Variants in CEP76 observed in about 807,000 individuals in gnomAD.
CEP76 encodes centrosomal protein 76.
In CEP76, 55 loss-of-function variants were observed where a neutral mutation model predicts 83.3. That is an observed-to-expected ratio of 0.66 (90% confidence interval 0.53 to 0.83). CEP76 has a LOEUF of 0.83. Among genes scored for constraint, CEP76 ranks in the 40% least tolerant of loss-of-function variants. The pLI is 0.00. For synonymous variants in CEP76, 270 were observed against 274.5 expected (o/e 0.98, Z 0.16); for missense variants, 694 against 799.5 (o/e 0.87, Z 1.59).
intron 12 of CEP76, among the ~76,000 whole-genome samples, chr18:12,662,758 T>C (rs1020307288): frequency 6.6e-6 from 1 of 152,110 alleles, no homozygotes; most frequent in Non-Finnish European, 1.5e-5. Flanking sequence ...GCCTGGGCGA[T>C]AGAGTGAGAC....
chr18:12,690,737 G>A (rs959704324), intron 7 of CEP76, among the ~76,000 whole-genome samples: 1 of 152,170 alleles, frequency 6.6e-6, no homozygotes, highest in Non-Finnish European at 1.5e-5. Context: ...TTACAGGCGT[G>A]AGCCACCGCG....
At chr18:12,695,670 C>G (rs2039929401) in intron 5 of CEP76, among the ~76,000 whole-genome samples, 1 of 152,052 alleles carries the variant, frequency 6.6e-6, no homozygotes, top group South Asian at 2.1e-4. Flanking sequence ...CTCAGCCTTC[C>G]AAAGTGCTTG....
chr18:12,695,015 G>T (rs995010560), intron 6 of CEP76, among the ~76,000 whole-genome samples: 8 of 152,028 alleles, frequency 5.3e-5, no homozygotes, highest in African/African-American at 1.9e-4. Flanking sequence ...GGCCTATCCT[G>T]TAATTCTTAT....
chr18:12,701,749 T>G (rs2040158888), intron 1 of CEP76, among the ~76,000 whole-genome samples: 1 of 152,200 alleles, frequency 6.6e-6, no homozygotes, highest in East Asian at 1.9e-4. Context: ...AACCCTTTAG[T>G]AACTTCTCTT....
Position 12,678,198 on chromosome 18 carries a change from G to C in CEP76, c.1534C>G (p.Pro512Ala). The C allele has an allele frequency of 6.2e-7, 1 of 1,614,152 alleles. No individual in the cohort carries two copies. Among genetic ancestry groups the C allele is most frequent in the Non-Finnish European group, 8.5e-7 (1 of 1,180,016 alleles). The stretch of plus-strand genomic sequence containing the variant: ...TCAATTGTGGATGCACACAGAGGTG[G>C]AAAGGGAGGAAGGGATGTTGTAGCT... ...PGATTSLPPFPPLCASTIDAS... is the reference protein window; with the variant it reads ...PGATTSLPPFAPLCASTIDAS... Residue 512 changes from proline to alanine, a missense_variant, in exon 10 of 12, where the codon CCA (proline) becomes GCA (alanine). Physicochemically the swap from Pro to Ala is conservative, Grantham distance 27. Coordinates refer to ENST00000262127, the MANE Select transcript of CEP76 (RefSeq NM_024899.4).
intron 4 of CEP76, among the ~76,000 whole-genome samples, chr18:12,698,230 T>C (rs904872604): frequency 6.6e-6 from 1 of 151,890 alleles, no homozygotes; most frequent in Non-Finnish European, 1.5e-5. Context: ...AAATATTTAT[T>C]CATTTATTTA....
Position 12,700,807 on chromosome 18 carries a change from A to C in CEP76, c.219+151T>G, listed in dbSNP as rs2040124977. The C allele has an allele frequency of 8.6e-6, 5 of 579,442 alleles. No homozygotes were observed. The South Asian group carries it at 1.2e-4, about 14-fold the overall frequency. The allele number at this position is 579,442 out of a possible 1,614,324, so 35.9% of individuals were successfully genotyped here. Reference sequence around the variant, plus strand: ...ATTCAGTATATTCAAGGGCAGAGCTAGCCTATACTTGAAACAAGGACACTA... The same window carrying C: ...ATTCAGTATATTCAAGGGCAGAGCTCGCCTATACTTGAAACAAGGACACTA... On this transcript the variant is annotated intron_variant, in intron 2 of 11. Coordinates refer to ENST00000262127, the MANE Select transcript of CEP76 (RefSeq NM_024899.4).
downstream of CEP76, among the ~76,000 whole-genome samples, chr18:12,671,416 A>C (rs1311145929): frequency 6.6e-6 from 1 of 152,160 alleles, no homozygotes; most frequent in East Asian, 1.9e-4. Flanking sequence ...AACTACACAT[A>C]TCAGAGTGAA....
chr18:12,699,090 T>G lies in CEP76; in HGVS notation c.409A>C (p.Thr137Pro). The G allele has an allele frequency of 1.2e-6, 2 of 1,614,068 alleles. No individual in the cohort carries two copies. The highest frequency in any genetic ancestry group is 1.7e-6 in the Non-Finnish European group (2 of 1,179,978). ...PLPGQVCSTF[T>P]LCLHYRNQRF... Reference sequence around the variant, plus strand: ...TGGTTTCGATAATGTAAACATAAAGTAAACGTTGAACAAACTTGTCCAGGT... The same window carrying G: ...TGGTTTCGATAATGTAAACATAAAGGAAACGTTGAACAAACTTGTCCAGGT... Residue 137 changes from threonine to proline, a missense_variant, in exon 4 of 12, where the codon ACT (threonine) becomes CCT (proline). Coordinates refer to ENST00000262127, the MANE Select transcript of CEP76 (RefSeq NM_024899.4).
intron 12 of CEP76, among the ~76,000 whole-genome samples, chr18:12,664,120 G>A (rs113500393): frequency 2.0e-5 from 3 of 152,192 alleles, no homozygotes; most frequent in South Asian, 2.1e-4. Flanking sequence ...AGCCGAGATC[G>A]TGCCATTGCA....
intron 11 of CEP76, among the ~76,000 whole-genome samples, chr18:12,674,129 G>A (rs1313347703): frequency 6.6e-6 from 1 of 151,932 alleles, no homozygotes; most frequent in Admixed American, 6.6e-5. Flanking sequence ...TGACTTGGAT[G>A]TCATTTCTAA....
At chr18:12,667,760 C>CAAAA (rs67167827), downstream of CEP76, among the ~76,000 whole-genome samples, 6 of 89,902 alleles carry the variant, frequency 6.7e-5, no homozygotes, top group East Asian at 3.3e-4. Flanking sequence ...GACTCTTTCT[C>CAAAA]AAAAAAAAAA....
chr18:12,674,536 C>G lies in CEP76; in HGVS notation c.1841G>C (p.Arg614Pro), dbSNP rs777148740. The G allele has an allele frequency of 1.9e-6, 3 of 1,608,574 alleles. No homozygotes were observed. Among genetic ancestry groups the G allele is most frequent in the Non-Finnish European group, 2.6e-6 (3 of 1,175,274 alleles). Residue 614 changes from arginine to proline, a missense_variant and splice_region_variant, in exon 11 of 12, where the codon CGA becomes CCA. Coordinates refer to ENST00000262127, the MANE Select transcript of CEP76 (RefSeq NM_024899.4). Reference protein sequence around the residue: ...NARRAFATCLRSPFCEEIICC... With the variant: ...NARRAFATCLPSPFCEEIICC... ...AATGATTCCGTAAATTACACCTTAC[C>G]GAAGACATGTGGCAAATGCACGTCT... is the stretch of plus-strand genomic sequence containing the variant.
chr18:12,694,651 C>T (rs1367669856), intron 6 of CEP76, among the ~76,000 whole-genome samples: 1 of 152,138 alleles, frequency 6.6e-6, no homozygotes, highest in Non-Finnish European at 1.5e-5. Flanking sequence ...CGTTAAAATC[C>T]CATCCCACTG....
chr18:12,697,778 G>C (rs747462960), intron 4 of CEP76, among the ~76,000 whole-genome samples: 4 of 152,064 alleles, frequency 2.6e-5, no homozygotes, highest in Non-Finnish European at 5.9e-5. Flanking sequence ...TTAACCTCCA[G>C]AAATTATCAC....
chr18:12,681,256 ATTTTTT>A (rs34816720), intron 8 of CEP76, among the ~76,000 whole-genome samples: 2 of 115,390 alleles, frequency 1.7e-5, no homozygotes, highest in Non-Finnish European at 1.7e-5. Context: ...AAAGTAGAAC[ATTTTTT>A]TTTTTTTTTT....
At chr18:12,691,203 G>A in intron 7 of CEP76, 156 bp downstream of exon 7, 1 of 493,478 alleles carries the variant, frequency 2.0e-6, no homozygotes. Context: ...CACTCACTAT[G>A]CAGTGAAAGA....
intron 4 of CEP76, 143 bp downstream of exon 4, chr18:12,698,836 T>G (rs2040051838): frequency 3.2e-6 from 2 of 625,086 alleles, no homozygotes; most frequent in South Asian, 4.4e-5. Context: ...GATAGTAGTT[T>G]AAATTGAAAA....
intron 10 of CEP76, among the ~76,000 whole-genome samples, chr18:12,675,344 C>T (rs965512915): frequency 5.9e-5 from 9 of 151,748 alleles, no homozygotes; most frequent in African/African-American, 2.2e-4. Context: ...TGCAGTGAGC[C>T]GAGATCGTGC....
Sources: gnomAD v4.1 joint callset for allele counts (sites outside exome capture counted in the v4.1 genomes callset) on GRCh38, gnomAD v4.1.1 for gene constraint, MANE v1.5 for transcripts, NCBI Gene and HGNC (gene_info 2026-07-23, HGNC 2026-07-21) for gene names.